GPC5: variants seen among roughly 807,000 people sequenced by gnomAD.
The protein encoded by GPC5 is glypican-5.
A neutral mutation model predicts 53.9 loss-of-function variants in GPC5; 47 were observed. The observed-to-expected ratio is 0.87, with a 90% confidence interval of 0.69 to 1.11. The LOEUF is 1.11. Among genes scored for constraint, GPC5 ranks in the 50% most tolerant of loss-of-function variants. GPC5 has a pLI of 0.00. For synonymous variants in GPC5, 286 were observed against 263.3 expected (o/e 1.09, Z -0.84); for missense variants, 748 against 713.1 (o/e 1.05, Z -0.56).
At chr13:92,650,098 C>T (rs1210937962) in intron 7 of GPC5, among the ~76,000 whole-genome samples, 3 of 152,070 alleles carry the variant, frequency 2.0e-5, no homozygotes, top group Admixed American at 1.3e-4. Flanking sequence ...AGGTTAGTAT[C>T]ATAGATTTTA....
intron 6 of GPC5, among the ~76,000 whole-genome samples, chr13:91,980,956 T>C (rs899437080): frequency 6.6e-6 from 1 of 152,242 alleles, no homozygotes; most frequent in Non-Finnish European, 1.5e-5. Context: ...TTCTGTTTAG[T>C]ATTTCATTGA....
At chr13:92,280,760 C>A (rs114892054) in intron 7 of GPC5, among the ~76,000 whole-genome samples, 2 of 151,730 alleles carry the variant, frequency 1.3e-5, no homozygotes, top group Non-Finnish European at 1.5e-5. Context: ...TGACGGGGTG[C>A]GGGGGGCGGT....
intron 5 of GPC5, among the ~76,000 whole-genome samples, chr13:91,793,784 A>G (rs542459865): frequency 1.3e-5 from 2 of 152,166 alleles, no homozygotes; most frequent in Non-Finnish European, 2.9e-5. Flanking sequence ...AATGAATGCA[A>G]GCAGGGGAAA....
At chr13:91,733,278 G>A (rs982026144) in intron 4 of GPC5, among the ~76,000 whole-genome samples, 8 of 152,048 alleles carry the variant, frequency 5.3e-5, no homozygotes, top group Admixed American at 4.6e-4. Context: ...TGGGATTACA[G>A]CATGCACCAC....
chr13:92,113,716 C>A (rs2041576620), intron 6 of GPC5, among the ~76,000 whole-genome samples: 1 of 151,668 alleles, frequency 6.6e-6, no homozygotes, highest in Non-Finnish European at 1.5e-5. Flanking sequence ...TAAAATATAA[C>A]TCCTGGGCAT....
At chr13:91,758,348 A>G (rs2037338891) in intron 5 of GPC5, among the ~76,000 whole-genome samples, 1 of 152,070 alleles carries the variant, frequency 6.6e-6, no homozygotes, top group African/African-American at 2.4e-5. Flanking sequence ...AAGACTAATG[A>G]GAAACCCAGA....
chr13:91,677,247 C>A (rs562900233), intron 2 of GPC5, among the ~76,000 whole-genome samples: 8 of 152,092 alleles, frequency 5.3e-5, no homozygotes, highest in African/African-American at 1.9e-4. Flanking sequence ...TATTAAATCT[C>A]GACCTTGGTG....
chr13:91,693,276 G>C lies in GPC5; in HGVS notation c.415G>C (p.Ala139Pro), dbSNP rs369076704. The change falls in exon 3 of 8, where the codon GCT (alanine) becomes CCT (proline). Residue 139 changes from alanine (A) to proline (P), a missense_variant. Ala to Pro is a conservative substitution (Grantham distance 27). Transcript: ENST00000377067. ...TYRNMALEAA[A>P]SVQEFFTDVG... is the part of the protein sequence containing the mutation. ...CAGGAACATGGCCTTGGAGGCTGCT[G>C]CTTCGGTTCAGGAGTTCTTCACTGA... 3.4e-4 allele frequency: 543 copies of C among 1,614,118 alleles called. 3 individuals are homozygous for C. In the South Asian group the frequency reaches 4.3e-3, roughly 13 times the overall value.
intron 7 of GPC5, among the ~76,000 whole-genome samples, chr13:92,293,946 G>A (rs1338871918): frequency 6.6e-6 from 1 of 150,996 alleles, no homozygotes; most frequent in African/African-American, 2.5e-5. Flanking sequence ...CTATTGAGAT[G>A]ATCATATGTT....
chr13:91,554,386 C>T (rs911960352), intron 2 of GPC5, among the ~76,000 whole-genome samples: 1 of 151,886 alleles, frequency 6.6e-6, no homozygotes, highest in Non-Finnish European at 1.5e-5. Flanking sequence ...GACTCACAGA[C>T]ACACACATAC....
At chr13:92,441,399 T>G (rs1355945942) in intron 7 of GPC5, among the ~76,000 whole-genome samples, 1 of 152,188 alleles carries the variant, frequency 6.6e-6, no homozygotes, top group Non-Finnish European at 1.5e-5. Flanking sequence ...TTTGAGAGTA[T>G]CTCTCTTTGC....
intron 5 of GPC5, among the ~76,000 whole-genome samples, chr13:91,859,366 A>T (rs1259161281): frequency 6.6e-6 from 1 of 151,680 alleles, no homozygotes; most frequent in Non-Finnish European, 1.5e-5. Flanking sequence ...GTTTCAGTGA[A>T]TTTTTCAAGT....
intron 2 of GPC5, among the ~76,000 whole-genome samples, chr13:91,586,909 CAT>C (rs1020038075): frequency 6.6e-6 from 1 of 151,818 alleles, no homozygotes; most frequent in African/African-American, 2.4e-5. Context: ...TACATTTAGA[CAT>C]ATGTTTATAA....
intron 6 of GPC5, among the ~76,000 whole-genome samples, chr13:92,013,026 G>T (rs2040676003): frequency 6.6e-6 from 1 of 152,200 alleles, no homozygotes; most frequent in African/African-American, 2.4e-5. Flanking sequence ...CAGAGGGCAT[G>T]TCACATGCTG....
At chr13:91,847,675 A>C (rs1056004375) in intron 5 of GPC5, among the ~76,000 whole-genome samples, 2 of 152,210 alleles carry the variant, frequency 1.3e-5, no homozygotes, top group African/African-American at 4.8e-5. Flanking sequence ...TAAATATTAC[A>C]GGAAGAGACA....
intron 7 of GPC5, among the ~76,000 whole-genome samples, chr13:92,624,918 A>G (rs1402796743): frequency 6.6e-6 from 1 of 152,218 alleles, no homozygotes; most frequent in Non-Finnish European, 1.5e-5. Context: ...GATGTGCAGA[A>G]TTGCAAGGAA....
chr13:91,614,404 C>A (rs777489919), intron 2 of GPC5, among the ~76,000 whole-genome samples: 1 of 152,136 alleles, frequency 6.6e-6, no homozygotes, highest in Non-Finnish European at 1.5e-5. Flanking sequence ...CTCGGTTCAC[C>A]ACAACCTCCC....
chr13:92,325,677 A>G (rs1055579852), intron 7 of GPC5, among the ~76,000 whole-genome samples: 3 of 152,138 alleles, frequency 2.0e-5, no homozygotes, highest in African/African-American at 7.2e-5. Context: ...GTAATAAAAA[A>G]GAATGAGCTC....
chr13:92,707,711 T>C (rs1405260492), intron 7 of GPC5, among the ~76,000 whole-genome samples: 1 of 152,140 alleles, frequency 6.6e-6, no homozygotes, highest in African/African-American at 2.4e-5. Flanking sequence ...AAAACACCTT[T>C]AATCCTTCTC....
Sources: allele counts gnomAD v4.1 joint callset (sites outside exome capture counted in the v4.1 genomes callset), GRCh38; gene constraint gnomAD v4.1.1; transcripts MANE v1.5; gene names NCBI Gene and HGNC (gene_info 2026-07-23, HGNC 2026-07-21).